The following PRKCE variants were observed in gnomAD, a reference collection of about 807,000 sequenced individuals.
PRKCE encodes the protein protein kinase C epsilon, also known as protein kinase C epsilon type.
PRKCE carries 16 observed loss-of-function variants against 85.4 expected under a neutral mutation model. The observed-to-expected ratio is 0.19, with a 90% CI of 0.13 to 0.28. The LOEUF is 0.28. PRKCE is among the 10% of genes least tolerant of loss of function. The pLI is 1.00. For missense variants in PRKCE, 573 were observed against 975.2 expected, an observed-to-expected ratio of 0.59 and a Z score of 5.49; for synonymous variants, 388 against 371.5, an observed-to-expected ratio of 1.04 and a Z score of -0.51.
chr2:45,981,148 C>T (rs1702860069), intron 5 of PRKCE, among the ~76,000 whole-genome samples: 1 of 152,190 alleles, frequency 6.6e-6, no homozygotes, highest in East Asian at 1.9e-4. Flanking sequence ...AAGCTAGGTT[C>T]ACCTAACTGA....
Position 45,725,829 on chromosome 2 carries a change from C to CA in PRKCE, c.348+73391dup, listed in dbSNP as rs56828673. Among the ~76,000 whole-genome samples the CA allele has an allele frequency of 6.1e-4, 88 of 144,822 alleles. 1 individual carries two copies. Among genetic ancestry groups the CA allele is most frequent in the African/African-American group, 1.6e-3 (64 of 38,892 alleles). On this transcript the variant is annotated intron_variant, in intron 1 of 14. Coordinates refer to ENST00000306156, the MANE Select transcript of PRKCE (RefSeq NM_005400.3). ...CTCTTGACAGAGTGAGACTCCATCT[C>CA]AAAAAAAAAACAAAAAACCGCCACC...
At chr2:45,794,845 A>AACCCCC (rs1687296127) in intron 1 of PRKCE, among the ~76,000 whole-genome samples, 1 of 122,572 alleles carries the variant, frequency 8.2e-6, no homozygotes, top group Non-Finnish European at 1.7e-5. Context: ...TTATTGCCCT[A>AACCCCC]CCCCCCCCCC....
At chr2:46,094,788 T>G (rs1015969173) in intron 11 of PRKCE, among the ~76,000 whole-genome samples, 1 of 143,936 alleles carries the variant, frequency 6.9e-6, no homozygotes, top group Non-Finnish European at 1.5e-5. Context: ...AACTCAGAAC[T>G]TAAAATAAAA....
intron 4 of PRKCE, 107 bp from the exon 5 acceptor site, chr2:45,980,189 G>T: frequency 1.0e-6 from 1 of 988,048 alleles, no homozygotes; most frequent in Non-Finnish European, 1.5e-6. Context: ...CTCAGTGGCA[G>T]AAGGGGCCTG....
intron 2 of PRKCE, among the ~76,000 whole-genome samples, chr2:45,958,306 G>T (rs1374512630): frequency 6.6e-6 from 1 of 151,176 alleles, no homozygotes; most frequent in African/African-American, 2.4e-5. Flanking sequence ...TCAGGGGTTC[G>T]AGACCAGCCT....
intron 10 of PRKCE, among the ~76,000 whole-genome samples, chr2:46,054,736 A>G (rs1666395678): frequency 6.6e-6 from 1 of 152,176 alleles, no homozygotes; most frequent in Non-Finnish European, 1.5e-5. Context: ...AAGTGAGAAC[A>G]AACATCCCTG....
chr2:45,914,838 C>T (rs896218083), intron 2 of PRKCE, among the ~76,000 whole-genome samples: 15 of 152,184 alleles, frequency 9.9e-5, no homozygotes, highest in Admixed American at 6.5e-4. Context: ...TCCATGCATA[C>T]GTAATAGGGA....
intron 2 of PRKCE, among the ~76,000 whole-genome samples, chr2:45,911,560 T>C (rs965173755): frequency 1.2e-4 from 18 of 152,198 alleles, no homozygotes; most frequent in African/African-American, 4.3e-4. Context: ...GAATATTCTT[T>C]GTTAGTCCTG....
At chr2:46,006,965 A>C (rs1355860842) in intron 8 of PRKCE, among the ~76,000 whole-genome samples, 1 of 152,216 alleles carries the variant, frequency 6.6e-6, no homozygotes, top group Non-Finnish European at 1.5e-5. Flanking sequence ...GAAGGTATGA[A>C]GGTTTCTACC....
In PRKCE at chr2:45,744,500, TTTTCTTTC is replaced by T. The variant is rs1173068102; in HGVS notation, c.348+92072_348+92079del. Among the ~76,000 whole-genome samples the T allele has an allele frequency of 8.9e-4, 75 of 84,708 alleles. 2 individuals carry two copies. Among genetic ancestry groups the T allele is most frequent in the Non-Finnish European group, 1.3e-3 (60 of 44,574 alleles). 55.6% of individuals were successfully genotyped at this position (84,708 alleles called of 152,430 possible). On this transcript the variant is annotated intron_variant, in intron 1 of 14. Coordinates refer to ENST00000306156, the MANE Select transcript of PRKCE (RefSeq NM_005400.3). The stretch of plus-strand genomic sequence containing the variant: ...TTCTTTCTTTCTTTTTCTTTCTTTC[TTTTCTTTC>T]TTTCTTTCTTTCTTTCTTTTTCTTT...
chr2:45,775,300 C>T lies in PRKCE; in HGVS notation c.349-67700C>T, dbSNP rs558077502. On this transcript the variant is annotated intron_variant, in intron 1 of 14. Transcript: ENST00000306156. ...GTCTTCCTGCTCCGTGAGTGTGCCCCGTGTGCATGTACACAAGTGTATGCG... is the reference window on the plus strand; with the variant it reads ...GTCTTCCTGCTCCGTGAGTGTGCCCTGTGTGCATGTACACAAGTGTATGCG... Among the ~76,000 whole-genome samples the T allele has an allele frequency of 5.3e-5, 8 of 152,258 alleles. No individual in the cohort carries two copies. The South Asian group carries it at 8.3e-4, about 16-fold the overall frequency.
intron 10 of PRKCE, among the ~76,000 whole-genome samples, chr2:46,011,394 A>G (rs576895019): frequency 6.6e-6 from 1 of 152,310 alleles, no homozygotes; most frequent in Admixed American, 6.5e-5. Flanking sequence ...TTAAAATTCA[A>G]TAGTTATTCA....
intron 6 of PRKCE, among the ~76,000 whole-genome samples, chr2:45,995,983 T>C (rs1169997075): frequency 6.6e-6 from 1 of 152,236 alleles, no homozygotes; most frequent in Non-Finnish European, 1.5e-5. Context: ...ACTGAGTCTT[T>C]CTATCCATGA....
At chr2:45,677,560 G>T (rs1430822961) in intron 1 of PRKCE, among the ~76,000 whole-genome samples, 8 of 152,082 alleles carry the variant, frequency 5.3e-5, no homozygotes, top group Admixed American at 5.2e-4. Flanking sequence ...GTTTCACCTT[G>T]TTAGCCAGGA....
chr2:46,043,880 AT>A (rs1708362395), intron 10 of PRKCE, among the ~76,000 whole-genome samples: 1 of 152,190 alleles, frequency 6.6e-6, no homozygotes, highest in African/African-American at 2.4e-5. Flanking sequence ...TCTCCTATTT[AT>A]TTTTGTGGCA....
chr2:46,145,262 C>T lies in PRKCE; in HGVS notation c.1731+31C>T, dbSNP rs1265392478. On this transcript the variant is annotated intron_variant, in intron 12 of 14. Transcript: ENST00000306156. This position sits in a 1 kb window ranked among gnomAD's most constrained non-coding sequence, Gnocchi z 4.6. The stretch of plus-strand genomic sequence containing the variant: ...ACCTGTGTGCAAAGGTTCACCTCCT[C>T]CTGGTGCCAGGACCGAGGCAGGGGT... 1.9e-6 allele frequency: 3 copies of T among 1,598,536 alleles called. No homozygotes were observed. The highest frequency in any genetic ancestry group is 2.7e-5 in the African/African-American group (2 of 74,846).
At chr2:46,080,974 C>T (rs1163866395) in intron 10 of PRKCE, among the ~76,000 whole-genome samples, 30 of 82,410 alleles carry the variant, frequency 3.6e-4, no homozygotes, top group African/African-American at 9.8e-4. Context: ...GTTATGCATA[C>T]ACACACACAC....
intron 1 of PRKCE, among the ~76,000 whole-genome samples, chr2:45,735,395 A>G (rs1681969375): frequency 6.6e-6 from 1 of 152,252 alleles, no homozygotes; most frequent in Non-Finnish European, 1.5e-5. Context: ...AGCTTGTAGT[A>G]CAGTTTGGGG....
chr2:46,024,005 A>G (rs908986611), intron 10 of PRKCE, among the ~76,000 whole-genome samples: 2 of 152,244 alleles, frequency 1.3e-5, no homozygotes, highest in African/African-American at 4.8e-5. Flanking sequence ...GGGATCATAC[A>G]GCTGGAAGCG....
Sources: gnomAD v4.1 joint callset for allele counts (sites outside exome capture counted in the v4.1 genomes callset) on GRCh38, gnomAD v4.1.1 for gene constraint, Gnocchi (gnomAD v3.1) non-coding constraint, MANE v1.5 for transcripts, NCBI Gene and HGNC (gene_info 2026-07-23, HGNC 2026-07-21) for gene names.